The following XPO7 variants were observed in gnomAD, a reference collection of about 807,000 sequenced individuals.
XPO7 encodes the protein exportin-7.
A neutral mutation model predicts 144.3 loss-of-function variants in XPO7; 21 were observed. The ratio of observed to expected loss-of-function variants is 0.15; its 90% CI spans 0.10 to 0.21. The LOEUF is 0.21. XPO7 is among the 10% of genes least tolerant of loss of function. The probability of loss-of-function intolerance (pLI) is 1.00; values close to 1 mark genes in which losing one functional copy is unlikely to be tolerated. For missense variants in XPO7, 808 were observed against 1,325.8 expected (o/e 0.61, Z 6.06); for synonymous variants, 580 against 499.6 (o/e 1.16, Z -2.15).
Position 21,976,372 on chromosome 8 carries a change from T to G in XPO7, c.614T>G (p.Leu205Arg). 6.2e-7 allele frequency: 1 copy of G among 1,613,828 alleles called. No individual in the cohort carries two copies. The highest frequency in any genetic ancestry group is 2.2e-5 in the East Asian group (1 of 44,884). ...NLLKQASGKN[L>R]NLNDESQHGL... ...TTTTTACAGGCTTCAGGAAAGAATC[T>G]AAACTTGAATGATGAAAGTCAGCAT... is the stretch of plus-strand genomic sequence containing the variant. Residue 205 changes from leucine (L) to arginine (R), a missense_variant, in exon 7 of 28, where the codon CTA (leucine) becomes CGA (arginine). By Grantham distance (102) the Leu-to-Arg change is moderately radical. This residue lies in a region of XPO7 where 223 missense variants were observed against 368.8 expected (regional missense o/e 0.60). Coordinates refer to ENST00000252512, the MANE Select transcript of XPO7 (RefSeq NM_015024.5).
At position 21,919,734 on chromosome 8, in the gene XPO7, G is replaced by T; in HGVS notation, c.-37G>T. ...GCTCCGGCCGAGGTGCGCGCTGGGG[G>T]GGAGGGGGGGCCGGAGAGGAGCATG... On this transcript the variant is annotated 5_prime_UTR_variant, in exon 1 of 28. Coordinates refer to ENST00000252512, the MANE Select transcript of XPO7 (RefSeq NM_015024.5). 1 of 393,952 alleles carries T rather than the reference G, an allele frequency of 2.5e-6. No individual in the cohort carries two copies. The highest frequency in any genetic ancestry group is 3.7e-6 in the Non-Finnish European group (1 of 267,456). The allele number at this position is 393,952 out of a possible 1,614,324, so 24.4% of individuals were successfully genotyped here.
chr8:21,981,639 A>G, intron 9 of XPO7, 92 bp from the exon 10 acceptor site: 3 of 1,491,740 alleles, frequency 2.0e-6, no homozygotes, highest in Non-Finnish European at 2.8e-6. Flanking sequence ...AGTAGATTCT[A>G]CCCCTTCCCC....
At chr8:22,004,822 G>T (rs1227680574) in intron 27 of XPO7, among the ~76,000 whole-genome samples, 173 bp from the exon 28 acceptor site, 1 of 149,932 alleles carries the variant, frequency 6.7e-6, no homozygotes, top group Non-Finnish European at 1.5e-5. Context: ...GATTTGACCA[G>T]ATCTCTAAGC....
At position 21,980,158 on chromosome 8, in the gene XPO7, C is replaced by T; in HGVS notation, c.912C>T (p.Leu304=). The T allele has an allele frequency of 6.2e-7, 1 of 1,604,870 alleles. No individual in the cohort carries two copies. The highest frequency in any genetic ancestry group is 8.5e-7 in the Non-Finnish European group (1 of 1,175,240). The change falls in exon 9 of 28, where the codon CTC becomes CTT. Residue 304 remains leucine, a synonymous_variant. Coordinates refer to ENST00000252512, the MANE Select transcript of XPO7 (RefSeq NM_015024.5). ...LFNNAERAKF[L]SHLVDGVKRI... is the part of the protein sequence containing the mutation. ...ACAATGCAGAGAGGGCCAAGTTTCT[C>T]TCTCATCTTGTTGATGGTGTTAAAC...
At position 21,990,224 on chromosome 8, in the gene XPO7, C is replaced by G. The variant is rs145596615; in HGVS notation, c.1869-120C>G. ...TTTTCATATTTGGCAGTGGTATACTCAAGTATTTTTTAAAAAATAAGATAT... is the reference window on the plus strand; with the variant it reads ...TTTTCATATTTGGCAGTGGTATACTGAAGTATTTTTTAAAAAATAAGATAT... On this transcript the variant is annotated intron_variant, in intron 16 of 27. Coordinates refer to ENST00000252512, the MANE Select transcript of XPO7 (RefSeq NM_015024.5). 5.6e-4 allele frequency: 541 copies of G among 966,314 alleles called. 2 individuals carry two copies. The African/African-American group carries it at 7.7e-3, about 14-fold the overall frequency. The allele number at this position is 966,314 out of a possible 1,614,324, so 59.9% of individuals were successfully genotyped here.
At chr8:21,980,912 C>A (rs901686989) in intron 9 of XPO7, among the ~76,000 whole-genome samples, 1 of 152,034 alleles carries the variant, frequency 6.6e-6, no homozygotes, top group African/African-American at 2.4e-5. Context: ...TTTCATAACT[C>A]GATTGCCCTT....
chr8:22,003,876 C>T, intron 26 of XPO7, 27 bp from the exon 27 acceptor site: 1 of 1,613,474 alleles, frequency 6.2e-7, no homozygotes, highest in Non-Finnish European at 8.5e-7. Flanking sequence ...GCTTCTCTAA[C>T]CTTCTGTTCC....
chr8:21,971,810 T>C, intron 4 of XPO7, 66 bp from the exon 5 acceptor site: 1 of 1,336,276 alleles, frequency 7.5e-7, no homozygotes, highest in Non-Finnish European at 1.1e-6. Flanking sequence ...AAAGTATGAG[T>C]GCATTCCAAA....
At chr8:21,944,546 G>A (rs752274055) in intron 1 of XPO7, among the ~76,000 whole-genome samples, 37 of 152,184 alleles carry the variant, frequency 2.4e-4, no homozygotes, top group Middle Eastern at 3.4e-3. Context: ...CAGCCTGGGC[G>A]ACAGAGTGAG....
intron 21 of XPO7, among the ~76,000 whole-genome samples, chr8:21,998,211 G>T (rs1284727008): frequency 1.3e-5 from 2 of 152,164 alleles, no homozygotes; most frequent in Admixed American, 6.5e-5. Context: ...GGAGGCTGAG[G>T]CGGGCGGATC....
chr8:21,977,042 G>A (rs948673903), intron 7 of XPO7, among the ~76,000 whole-genome samples: 7 of 152,170 alleles, frequency 4.6e-5, no homozygotes, highest in South Asian at 4.1e-4. Context: ...TAAAATTGCC[G>A]ATTAATAATA....
Position 21,976,374 on chromosome 8 carries a change from A to G in XPO7, c.616A>G (p.Asn206Asp), listed in dbSNP as rs746604604. 6.2e-7 allele frequency: 1 copy of G among 1,613,854 alleles called. No individual in the cohort carries two copies. The highest frequency in any genetic ancestry group is 8.5e-7 in the Non-Finnish European group (1 of 1,179,810). The change falls in exon 7 of 28, where the codon AAC (asparagine) becomes GAC (aspartate). Residue 206 changes from asparagine to aspartate, a missense_variant. Physicochemically the swap from Asn to Asp is conservative, Grantham distance 23. Transcript: ENST00000252512. Reference protein sequence around the residue: ...LLKQASGKNLNLNDESQHGLL... With the variant: ...LLKQASGKNLDLNDESQHGLL... ...TTTACAGGCTTCAGGAAAGAATCTA[A>G]ACTTGAATGATGAAAGTCAGCATGG...
At position 21,966,445 on chromosome 8, in the gene XPO7, G is replaced by A. The variant is rs1184787085; in HGVS notation, c.19-412G>A. ...TTAAAGCTATATGAAAATGTGTGTG[G>A]TACTTATATCATGTTTATGTGCTTA... On this transcript the variant is annotated intron_variant, in intron 1 of 27. Coordinates refer to ENST00000252512, the MANE Select transcript of XPO7 (RefSeq NM_015024.5). The A allele has an allele frequency of 1.8e-5, 11 of 605,724 alleles. No homozygotes were observed. In the East Asian group the frequency reaches 2.0e-4, roughly 11 times the overall value. 37.5% of individuals were successfully genotyped at this position (605,724 alleles called of 1,614,324 possible).
At position 21,981,814 on chromosome 8, in the gene XPO7, A is replaced by G; in HGVS notation, c.1041A>G (p.Val347=). The G allele has an allele frequency of 1.2e-6, 2 of 1,614,034 alleles. No homozygotes were observed. The highest frequency in any genetic ancestry group is 1.7e-6 in the Non-Finnish European group (2 of 1,179,884). ...GTAACTATCAACTGGGAGAATTGGT[A>G]AAGGTGGAAAACTACCCTGAGGTCA... is the stretch of plus-strand genomic sequence containing the variant. ...LKSNYQLGEL[V]KVENYPEVIR... Residue 347 remains valine (V), a synonymous_variant, in exon 10 of 28, where the codon GTA becomes GTG. Coordinates refer to ENST00000252512, the MANE Select transcript of XPO7 (RefSeq NM_015024.5).
chr8:21,933,469 A>G (rs1810722340), intron 1 of XPO7, among the ~76,000 whole-genome samples: 1 of 152,170 alleles, frequency 6.6e-6, no homozygotes, highest in South Asian at 2.1e-4. Context: ...ATACAGTTTG[A>G]AAATTTCTCT....
chr8:21,991,247 T>C (rs1255220986), intron 18 of XPO7, among the ~76,000 whole-genome samples: 1 of 152,192 alleles, frequency 6.6e-6, no homozygotes, highest in African/African-American at 2.4e-5. Context: ...CACAATGAGG[T>C]GTAAACCCAC....
At chr8:21,948,789 C>T (rs529766700) in intron 1 of XPO7, among the ~76,000 whole-genome samples, 3 of 152,160 alleles carry the variant, frequency 2.0e-5, no homozygotes, top group Non-Finnish European at 4.4e-5. Context: ...TTCCTGAATT[C>T]ATTTAACATT....
intron 19 of XPO7, among the ~76,000 whole-genome samples, chr8:21,993,019 A>G (rs562216640): frequency 1.3e-5 from 2 of 152,290 alleles, no homozygotes; most frequent in East Asian, 3.9e-4. Context: ...TTTTCCATCT[A>G]CAAATCAGCA....
intron 24 of XPO7, 150 bp downstream of exon 24, chr8:21,999,824 T>G: frequency 2.0e-6 from 2 of 1,021,738 alleles, no homozygotes; most frequent in Non-Finnish European, 2.8e-6. Flanking sequence ...GCACAGCACA[T>G]GCTTATCCAG....
Sources: gnomAD v4.1 joint callset for allele counts (sites outside exome capture counted in the v4.1 genomes callset) on GRCh38, gnomAD v4.1.1 for gene constraint, gnomAD v4.1.1 regional missense constraint, MANE v1.5 for transcripts, NCBI Gene and HGNC (gene_info 2026-07-23, HGNC 2026-07-21) for gene names.